GARIN5A: variants seen among roughly 807,000 people sequenced by gnomAD.
GARIN5A encodes the protein golgi associated RAB2 interactor 5A, also known as Golgi-associated RAB2 interactor protein 5A.
chr19:50,471,748 A>G, the GARIN5A span, among the ~76,000 whole-genome samples: 1 of 146,828 alleles, frequency 6.8e-6, no homozygotes, highest in Non-Finnish European at 1.5e-5. Context: ...GTATACGCAT[A>G]CATGCATGTG....
the GARIN5A span, among the ~76,000 whole-genome samples, chr19:50,468,569 A>C: frequency 1.3e-5 from 2 of 151,772 alleles, no homozygotes; most frequent in South Asian, 4.2e-4. Flanking sequence ...TCACACCCTG[A>C]TGAGTCCTGA....
the GARIN5A span, among the ~76,000 whole-genome samples, chr19:50,474,348 T>A: frequency 1.4e-5 from 2 of 139,118 alleles, no homozygotes; most frequent in East Asian, 2.0e-4. Context: ...CCTGGCTAAT[T>A]TTTTTTTTTT....
chr19:50,472,199 CATGTATATACATGTGTGT>C, the GARIN5A span, among the ~76,000 whole-genome samples: 4 of 103,730 alleles, frequency 3.9e-5, no homozygotes, highest in East Asian at 2.4e-4. Context: ...TGTATGTGTG[CATGTATATACATGTGTGT>C]ATGTATATAT....
chr19:50,467,971 C>A, the GARIN5A span: 1 of 708,190 alleles, frequency 1.4e-6, no homozygotes, highest in Non-Finnish European at 2.4e-6. Context: ...AACTTGAGTC[C>A]ATTCCCAACT....
At chr19:50,474,551 T>A in the GARIN5A span, among the ~76,000 whole-genome samples, 9 of 152,098 alleles carry the variant, frequency 5.9e-5, no homozygotes, top group African/African-American at 2.2e-4. Context: ...TTCACTGTGT[T>A]AGCCAGGATG....
the GARIN5A span, chr19:50,476,245 AAAGCGAGG>A: frequency 6.2e-7 from 1 of 1,613,288 alleles, no homozygotes; most frequent in Non-Finnish European, 8.5e-7. Context: ...GCAGAGGGAG[AAAGCGAGG>A]GGGCGGGACT....
the GARIN5A span, chr19:50,476,462 C>T: frequency 8.3e-6 from 13 of 1,563,386 alleles, no homozygotes; most frequent in Non-Finnish European, 1.0e-5. Context: ...GGCGCACGGG[C>T]GTCAGGATGC....
chr19:50,468,471 G>A, the GARIN5A span, among the ~76,000 whole-genome samples: 73 of 150,666 alleles, frequency 4.8e-4, no homozygotes, highest in Middle Eastern at 3.5e-3. Flanking sequence ...CCCCTCACAC[G>A]CAGCCTACTC....
chr19:50,467,900 TC>T, the GARIN5A span: 1 of 1,445,230 alleles, frequency 6.9e-7, no homozygotes, highest in Non-Finnish European at 9.5e-7. Flanking sequence ...GGGTCAGGGG[TC>T]CCCACCTTGC....
the GARIN5A span, chr19:50,467,871 G>C: frequency 6.9e-6 from 11 of 1,592,832 alleles, no homozygotes; most frequent in East Asian, 2.5e-4. Flanking sequence ...TGACCCTGTC[G>C]GGTCCTCCAG....
the GARIN5A span, chr19:50,476,398 G>T: frequency 6.4e-7 from 1 of 1,551,200 alleles, no homozygotes; most frequent in Non-Finnish European, 8.7e-7. Context: ...TCCTGCTGAC[G>T]TCAGGCCCCA....
the GARIN5A span, among the ~76,000 whole-genome samples, chr19:50,470,330 A>G: frequency 6.6e-6 from 1 of 152,126 alleles, no homozygotes; most frequent in Non-Finnish European, 1.5e-5. Flanking sequence ...CCTGACCAAC[A>G]TGGCAAAACC....
the GARIN5A span, among the ~76,000 whole-genome samples, chr19:50,471,958 G>A: frequency 6.6e-6 from 1 of 150,756 alleles, no homozygotes; most frequent in African/African-American, 2.5e-5. Flanking sequence ...ATACATGTAT[G>A]TATGTATATA....
the GARIN5A span, chr19:50,467,086 C>T: frequency 1.3e-5 from 2 of 153,152 alleles, no homozygotes; most frequent in Non-Finnish European, 2.9e-5. Flanking sequence ...ATTCCAGTGC[C>T]CCCAGCTTCT....
the GARIN5A span, among the ~76,000 whole-genome samples, chr19:50,472,886 G>C: frequency 6.6e-6 from 1 of 151,792 alleles, no homozygotes; most frequent in Admixed American, 6.6e-5. Context: ...TTAAATGAAT[G>C]AATGAATAAA....
At chr19:50,471,920 G>GTATA in the GARIN5A span, among the ~76,000 whole-genome samples, 1 of 150,326 alleles carries the variant, frequency 6.7e-6, no homozygotes, top group Non-Finnish European at 1.5e-5. Flanking sequence ...GTGTATATGT[G>GTATA]TATATACATG....
chr19:50,469,612 C>T, the GARIN5A span, among the ~76,000 whole-genome samples: 5 of 152,130 alleles, frequency 3.3e-5, no homozygotes, highest in Non-Finnish European at 5.9e-5. Flanking sequence ...TGCTCAGGCC[C>T]GCAGCCCGAT....
chr19:50,470,046 C>T, the GARIN5A span, among the ~76,000 whole-genome samples: 1 of 152,202 alleles, frequency 6.6e-6, no homozygotes, highest in African/African-American at 2.4e-5. Flanking sequence ...AACTGAGGCA[C>T]AGGCAGGTAG....
At chr19:50,468,672 T>G in the GARIN5A span, among the ~76,000 whole-genome samples, 1 of 152,148 alleles carries the variant, frequency 6.6e-6, no homozygotes, top group South Asian at 2.1e-4. Context: ...GGCACGGTCA[T>G]AGCTCACTGC....
Sources: gnomAD v4.1 joint callset for allele counts (sites outside exome capture counted in the v4.1 genomes callset) on GRCh38, gnomAD v4.1.1 for gene constraint, MANE v1.5 for transcripts, NCBI Gene and HGNC (gene_info 2026-07-23, HGNC 2026-07-21) for gene names.